Variants in FBXO11 observed in about 807,000 individuals in gnomAD.
FBXO11 encodes F-box protein 11, also known as F-box only protein 11.
In FBXO11, 13 loss-of-function variants were observed where a neutral mutation model predicts 117.0. The observed-to-expected ratio is 0.11, with a 90% confidence interval of 0.07 to 0.18. The LOEUF (loss-of-function observed/expected upper bound fraction) is 0.18. Ranked by LOEUF, FBXO11 falls within the 10% of genes least tolerant of loss-of-function variation. The pLI is 1.00. For synonymous variants in FBXO11, 490 were observed against 380.5 expected, an observed-to-expected ratio of 1.29 and a Z score of -3.35; for missense variants, 767 against 1,164.4, an observed-to-expected ratio of 0.66 and a Z score of 4.97.
intron 1 of FBXO11, among the ~76,000 whole-genome samples, chr2:47,849,148 C>G (rs990441773): frequency 6.9e-6 from 1 of 144,374 alleles, no homozygotes; most frequent in Non-Finnish European, 1.5e-5. Context: ...CAGCTTTTCT[C>G]TAACTGCTAA....
intron 11 of FBXO11, among the ~76,000 whole-genome samples, chr2:47,825,571 C>CTTTTTTTTT (rs751404253): frequency 5.2e-4 from 46 of 88,256 alleles, no homozygotes; most frequent in Middle Eastern, 8.6e-3. Flanking sequence ...TCTTCTTCTT[C>CTTTTTTTTT]TTTTTTTTTT....
At chr2:47,886,955 C>G (rs79403657) in intron 1 of FBXO11, among the ~76,000 whole-genome samples, 22,655 of 152,070 alleles carry the variant, frequency 0.15, 1,839 homozygotes, top group Non-Finnish European at 0.18. Context: ...TGAGGCTACA[C>G]TAAGCTGTGA....
At position 47,871,434 on chromosome 2, in the gene FBXO11, T is replaced by C. The variant is rs140536551; in HGVS notation, c.233-31665A>G. ...AGTTTGAGTGCAACCTAATGAGACTTTGATAAAGATGTTAAATTTGGGGGT... is the reference window on the plus strand; with the variant it reads ...AGTTTGAGTGCAACCTAATGAGACTCTGATAAAGATGTTAAATTTGGGGGT... On this transcript the variant is annotated intron_variant, in intron 1 of 22. Coordinates refer to ENST00000403359, the MANE Select transcript of FBXO11 (RefSeq NM_001190274.2). Among the ~76,000 whole-genome samples the C allele has an allele frequency of 5.6e-4, 86 of 152,298 alleles. No homozygotes were observed. The East Asian group carries it at 0.015, about 26-fold the overall frequency.
chr2:47,825,567 T>C (rs1671688276), intron 11 of FBXO11, among the ~76,000 whole-genome samples: 1 of 149,352 alleles, frequency 6.7e-6, no homozygotes, highest in Non-Finnish European at 1.5e-5. Flanking sequence ...TTTTTCTTCT[T>C]CTTCTTTTTT....
rs1338215938 is a variant in FBXO11, at chr2:47,884,727, CT to C, written c.232+20761del. Among the ~76,000 whole-genome samples the C allele has an allele frequency of 4.6e-5, 7 of 152,102 alleles. 1 individual carries two copies. The highest frequency in any genetic ancestry group is 8.8e-5 in the Non-Finnish European group (6 of 68,004). Reference sequence around the variant, plus strand: ...GTATTTTTGAAGTATTTTTTAAAAGCTTTTACATGGGAGATGATTATTGATG... The same window carrying C: ...GTATTTTTGAAGTATTTTTTAAAAGCTTTACATGGGAGATGATTATTGATG... On this transcript the variant is annotated intron_variant, in intron 1 of 22. Transcript: ENST00000403359.
At position 47,807,015 on chromosome 2, in the gene FBXO11, A is replaced by AATGGTTATTGAAT; in HGVS notation, c.*1090_*1102dup. 3.0e-6 allele frequency: 2 copies of AATGGTTATTGAAT among 667,980 alleles called. No individual in the cohort carries two copies. Among genetic ancestry groups the AATGGTTATTGAAT allele is most frequent in the Non-Finnish European group, 5.3e-6 (2 of 379,860 alleles). 41.4% of individuals were successfully genotyped at this position (667,980 alleles called of 1,614,324 possible). A position where few individuals can be genotyped will look rare whatever the true frequency, so the allele number is the denominator to read the frequency against. On this transcript the variant is annotated 3_prime_UTR_variant, in exon 23 of 23. Transcript: ENST00000403359. ...TTTAATTCTTATCTACCTTCTACATAATGGTTATTGAATACTCCACAATAT... is the reference window on the plus strand; with the variant it reads ...TTTAATTCTTATCTACCTTCTACATAATGGTTATTGAATATGGTTATTGAATACTCCACAATAT...
At chr2:47,878,660 CATTTT>C (rs1676197159) in intron 1 of FBXO11, among the ~76,000 whole-genome samples, 1 of 144,696 alleles carries the variant, frequency 6.9e-6, no homozygotes, top group African/African-American at 2.5e-5. Flanking sequence ...CTGCGTCCAG[CATTTT>C]TTTTTTTTTT....
intron 1 of FBXO11, among the ~76,000 whole-genome samples, chr2:47,900,682 ATACACACACGTATACACACACGTG>A (rs1572932023): frequency 8.4e-5 from 9 of 107,596 alleles, no homozygotes; most frequent in East Asian, 6.6e-4. Flanking sequence ...ATACACACGT[ATACACACACGTATACACACACGTG>A]TATATATATA....
At chr2:47,889,419 T>C (rs537179250) in intron 1 of FBXO11, among the ~76,000 whole-genome samples, 7 of 152,340 alleles carry the variant, frequency 4.6e-5, no homozygotes, top group African/African-American at 1.7e-4. Context: ...GAAGGTTTTC[T>C]AGTGTGCTTT....
intron 1 of FBXO11, among the ~76,000 whole-genome samples, chr2:47,881,568 T>C (rs1676434674): frequency 6.6e-6 from 1 of 152,192 alleles, no homozygotes; most frequent in African/African-American, 2.4e-5. Context: ...TTAATGTTTC[T>C]TTTAAAGTGC....
rs139547549 is a variant in FBXO11 at position 47,833,047 on chromosome 2, C to G, written c.958G>C (p.Val320Leu). 4 of 1,613,176 alleles carry G rather than the reference C, an allele frequency of 2.5e-6. No individual in the cohort carries two copies. The highest frequency in any genetic ancestry group is 3.4e-6 in the Non-Finnish European group (4 of 1,179,508). ...GAAPGKVADKVIIENTRDSTF... is the reference protein window; with the variant it reads ...GAAPGKVADKLIIENTRDSTF... ...GAATCTCTAGTGTTTTCAATTATAA[C>G]TTTGTCTGCCACTTTCCCAGGTGCT... The change falls in exon 8 of 23, where the codon GTT becomes CTT. Residue 320 changes from valine (V) to leucine (L), a missense_variant. Val to Leu is a conservative substitution (Grantham distance 32, BLOSUM62 1). Around this residue, in one of 10 missense-constraint regions of FBXO11, gnomAD observed 123 missense variants for 145.0 expected, o/e 0.85. Transcript: ENST00000403359.
At chr2:47,833,683 C>T (rs1240376157) in intron 7 of FBXO11, among the ~76,000 whole-genome samples, 2 of 152,168 alleles carry the variant, frequency 1.3e-5, no homozygotes, top group African/African-American at 4.8e-5. Context: ...CCATAAATAG[C>T]TTTGAAATAG....
At chr2:47,870,916 G>GA (rs1388094213) in intron 1 of FBXO11, among the ~76,000 whole-genome samples, 2 of 152,176 alleles carry the variant, frequency 1.3e-5, no homozygotes, top group Non-Finnish European at 2.9e-5. Flanking sequence ...GTCTAAAAAT[G>GA]AAATTACTGG....
At chr2:47,882,872 C>T (rs1676537625) in intron 1 of FBXO11, among the ~76,000 whole-genome samples, 1 of 152,284 alleles carries the variant, frequency 6.6e-6, no homozygotes, top group Middle Eastern at 3.4e-3. Context: ...TGGTCTCAAA[C>T]TCCTGAGCTC....
At chr2:47,839,256 TA>T (rs1342261235) in intron 3 of FBXO11, among the ~76,000 whole-genome samples, 162 bp downstream of exon 3, 1 of 152,108 alleles carries the variant, frequency 6.6e-6, no homozygotes, top group Non-Finnish European at 1.5e-5. Context: ...TATACAACAA[TA>T]AAAGTCAGAG....
At chr2:47,881,041 T>A (rs1676391131) in intron 1 of FBXO11, among the ~76,000 whole-genome samples, 1 of 152,154 alleles carries the variant, frequency 6.6e-6, no homozygotes, top group Non-Finnish European at 1.5e-5. Context: ...GATCACAAAG[T>A]CAGGAGTTCA....
chr2:47,902,791 T>C (rs1180076707), intron 1 of FBXO11, among the ~76,000 whole-genome samples: 1 of 152,146 alleles, frequency 6.6e-6, no homozygotes, highest in African/African-American at 2.4e-5. Flanking sequence ...CAGTCTGAAC[T>C]AGTTTGTCTC....
intron 1 of FBXO11, among the ~76,000 whole-genome samples, chr2:47,870,523 T>C (rs1675546287): frequency 6.6e-6 from 1 of 152,012 alleles, no homozygotes; most frequent in Admixed American, 6.5e-5. Context: ...AGAGGGAGAA[T>C]GCTATGTGAC....
At chr2:47,858,137 ACT>A (rs1674459795) in intron 1 of FBXO11, among the ~76,000 whole-genome samples, 1 of 151,762 alleles carries the variant, frequency 6.6e-6, no homozygotes, top group African/African-American at 2.4e-5. Context: ...GCGGAGCCTC[ACT>A]CTGTTGCTCA....
Sources: gnomAD v4.1 joint callset for allele counts (sites outside exome capture counted in the v4.1 genomes callset) on GRCh38, gnomAD v4.1.1 for gene constraint, gnomAD v4.1.1 regional missense constraint, MANE v1.5 for transcripts, NCBI Gene and HGNC (gene_info 2026-07-23, HGNC 2026-07-21) for gene names.